BLOC1S2: variants seen among roughly 807,000 people sequenced by gnomAD.
BLOC1S2 encodes biogenesis of lysosome-related organelles complex 1 subunit 2.
BLOC1S2 carries 12 observed loss-of-function variants against 19.6 expected under a neutral mutation model. That is an observed-to-expected ratio of 0.61 (90% confidence interval 0.39 to 0.99). The LOEUF (loss-of-function observed/expected upper bound fraction) is 0.99, where lower values mean the gene tolerates loss of function less well. Ranked by LOEUF, BLOC1S2 falls within the 50% of genes least tolerant of loss-of-function variation. The pLI, the probability that BLOC1S2 is intolerant of heterozygous loss-of-function variation, is 0.00. For synonymous variants in BLOC1S2, 66 were observed against 64.1 expected (o/e 1.03, Z -0.14); for missense variants, 142 against 171.0 (o/e 0.83, Z 0.95).
rs537876963 is a variant in BLOC1S2 at position 100,282,930 on chromosome 10, ATC to A, written c.173-1879_173-1878del. The A allele has an allele frequency of 2.3e-5, 9 of 398,634 alleles. No individual in the cohort carries two copies. The Admixed American group carries it at 3.1e-4, about 14-fold the overall frequency. 24.7% of individuals were successfully genotyped at this position (398,634 alleles called of 1,614,324 possible). ...CCTACTTCTAAGCTCTTCCTTGGCA[ATC>A]TCATCCTGCACAGCGTCCAATCACA... On this transcript the variant is annotated intron_variant, in intron 2 of 4. Coordinates refer to ENST00000370372, the MANE Select transcript of BLOC1S2 (RefSeq NM_173809.5).
intron 4 of BLOC1S2, among the ~76,000 whole-genome samples, chr10:100,277,237 G>A (rs1335709175): frequency 1.4e-5 from 2 of 148,130 alleles, no homozygotes; most frequent in African/African-American, 5.0e-5. Flanking sequence ...TAACCGCCCC[G>A]TCTGAGAAGT....
intron 2 of BLOC1S2, 71 bp from the exon 3 acceptor site, chr10:100,281,124 C>T: frequency 6.4e-7 from 1 of 1,568,938 alleles, no homozygotes; most frequent in Admixed American, 1.8e-5. Context: ...GGAGTATAAG[C>T]TAAGTGGTAG....
intron 2 of BLOC1S2, chr10:100,283,041 G>A (rs917439290): frequency 2.5e-6 from 1 of 397,906 alleles, no homozygotes; most frequent in African/African-American, 2.1e-5. Flanking sequence ...AGTCACCTGA[G>A]TTCCCTAGTT....
intron 1 of BLOC1S2, 111 bp downstream of exon 1, chr10:100,286,494 C>A: frequency 6.5e-7 from 1 of 1,529,156 alleles, no homozygotes; most frequent in Non-Finnish European, 8.8e-7. Flanking sequence ...AAGTGCACTC[C>A]TCTCACCAGC....
Position 100,280,118 on chromosome 10 carries a change from G to A in BLOC1S2, c.397+6C>T, listed in dbSNP as rs200208816. The stretch of plus-strand genomic sequence containing the variant: ...ATTACATCAAAACAGAAGTAAAAAC[G>A]GTTACCCAGTTTTTTTGAATATGCA... On this transcript the variant is annotated splice_donor_region_variant and intron_variant, in intron 4 of 4. Coordinates refer to ENST00000370372, the MANE Select transcript of BLOC1S2 (RefSeq NM_173809.5). 3.4e-5 allele frequency: 54 copies of A among 1,608,236 alleles called. 1 individual carries two copies. In the African/African-American group the frequency reaches 4.9e-4, roughly 15 times the overall value.
At chr10:100,286,274 AGCCTGTTCCGACATCCC>A (rs906925409) in intron 1 of BLOC1S2, 61 bp from the exon 2 acceptor site, 7 of 1,564,386 alleles carry the variant, frequency 4.5e-6, no homozygotes, top group Non-Finnish European at 4.3e-6. Context: ...CAGCCAAAGC[AGCCTGTTCCGACATCCC>A]TCCACTTGCC....
chr10:100,278,873 G>A (rs1401519829), intron 4 of BLOC1S2, among the ~76,000 whole-genome samples: 4 of 151,726 alleles, frequency 2.6e-5, no homozygotes, highest in Non-Finnish European at 5.9e-5. Flanking sequence ...ATTGCTTAAG[G>A]CCATGAGTTC....
intron 2 of BLOC1S2, among the ~76,000 whole-genome samples, chr10:100,283,633 G>T (rs979472026): frequency 2.0e-5 from 3 of 152,168 alleles, no homozygotes; most frequent in Non-Finnish European, 4.4e-5. Context: ...CACTTTGGGA[G>T]GCCAAGGTGG....
chr10:100,275,367 G>T lies in BLOC1S2; in HGVS notation c.*95C>A. 7.7e-7 allele frequency: 1 copy of T among 1,304,594 alleles called. No homozygotes were observed. The highest frequency in any genetic ancestry group is 1.5e-5 in the African/African-American group (1 of 67,402). The allele number at this position is 1,304,594 out of a possible 1,614,324, so 80.8% of individuals were successfully genotyped here. ...GATGACCAGCATAATTTCCTTTTGA[G>T]GAATTTTCACAATTCATCAGCCTCA... is the stretch of plus-strand genomic sequence containing the variant. On this transcript the variant is annotated 3_prime_UTR_variant, in exon 5 of 5. Transcript: ENST00000370372.
intron 4 of BLOC1S2, among the ~76,000 whole-genome samples, chr10:100,277,197 G>A (rs566175173): frequency 7.5e-4 from 107 of 143,432 alleles, no homozygotes; most frequent in African/African-American, 2.5e-3. Flanking sequence ...CGGCCGCCCC[G>A]TCTGAGAAGT....
intron 4 of BLOC1S2, among the ~76,000 whole-genome samples, chr10:100,277,878 A>G (rs1589648033): frequency 2.0e-5 from 2 of 100,666 alleles, no homozygotes; most frequent in African/African-American, 4.3e-5. Context: ...TCCGGGAGGG[A>G]GGTGGGGGGG....
chr10:100,275,494 CTG>C lies in BLOC1S2; in HGVS notation c.398-3_398-2del. On this transcript the variant is annotated splice_acceptor_variant and splice_polypyrimidine_tract_variant and intron_variant, in intron 4 of 4. Coordinates refer to ENST00000370372, the MANE Select transcript of BLOC1S2 (RefSeq NM_173809.5). LOFTEE classifies it high-confidence loss of function. ...TTCTCCAGCTTCTTGTACTTGGCTT[CTG>C]TGAGGGATGAGGGAGAGTTACATCT... 1 of 1,605,298 alleles carries C rather than the reference CTG, an allele frequency of 6.2e-7. No individual in the cohort carries two copies. The highest frequency in any genetic ancestry group is 8.5e-7 in the Non-Finnish European group (1 of 1,174,320).
intron 2 of BLOC1S2, among the ~76,000 whole-genome samples, chr10:100,282,312 T>C (rs1249081050): frequency 6.6e-6 from 1 of 152,198 alleles, no homozygotes; most frequent in East Asian, 1.9e-4. Flanking sequence ...TACATCCTCT[T>C]CCTTACCATT....
chr10:100,286,475 C>A, intron 1 of BLOC1S2, 130 bp downstream of exon 1: 1 of 1,491,530 alleles, frequency 6.7e-7, no homozygotes, highest in South Asian at 1.3e-5. Context: ...AACACTCGCG[C>A]GCAGCGACAA....
chr10:100,278,784 G>T, intron 4 of BLOC1S2, among the ~76,000 whole-genome samples: 1 of 146,420 alleles, frequency 6.8e-6, no homozygotes, highest in Admixed American at 6.9e-5. Context: ...ATCCCCCTCT[G>T]TGAGAAACAC....
At chr10:100,279,165 G>C (rs1848033876) in intron 4 of BLOC1S2, among the ~76,000 whole-genome samples, 1 of 151,994 alleles carries the variant, frequency 6.6e-6, no homozygotes, top group African/African-American at 2.4e-5. Flanking sequence ...GTAAGAGCCA[G>C]AGCCAGTTAG....
intron 4 of BLOC1S2, among the ~76,000 whole-genome samples, chr10:100,278,549 T>C (rs1211123515): frequency 1.5e-4 from 22 of 150,964 alleles, no homozygotes; most frequent in South Asian, 4.2e-4. Context: ...CCCTGTGCTC[T>C]CTGAAACATG....
intron 4 of BLOC1S2, among the ~76,000 whole-genome samples, chr10:100,278,014 A>G (rs1263286532): frequency 1.0e-5 from 1 of 96,952 alleles, no homozygotes; most frequent in Non-Finnish European, 2.1e-5. Flanking sequence ...GAGGTGAGGG[A>G]ATCAGCCCCC....
chr10:100,284,763 T>C (rs964303071), intron 2 of BLOC1S2, among the ~76,000 whole-genome samples: 4 of 152,068 alleles, frequency 2.6e-5, no homozygotes, highest in African/African-American at 9.7e-5. Flanking sequence ...AGTGCTGGGA[T>C]TACAGGCATG....
Sources: allele counts gnomAD v4.1 joint callset (sites outside exome capture counted in the v4.1 genomes callset), GRCh38; gene constraint gnomAD v4.1.1; transcripts MANE v1.5; gene names NCBI Gene and HGNC (gene_info 2026-07-23, HGNC 2026-07-21).